The following MYT1L variants were observed in gnomAD, a reference collection of about 807,000 sequenced individuals.
MYT1L encodes myelin transcription factor 1 like.
In MYT1L, 12 loss-of-function variants were observed where a neutral mutation model predicts 126.7. That is an observed-to-expected ratio of 0.09 (90% confidence interval 0.06 to 0.15). The LOEUF (loss-of-function observed/expected upper bound fraction) is 0.15, where lower values mean the gene tolerates loss of function less well. MYT1L is among the 10% of genes least tolerant of loss of function. The probability of loss-of-function intolerance (pLI) is 1.00; values close to 1 mark genes in which losing one functional copy is unlikely to be tolerated. For synonymous variants in MYT1L, 541 were observed against 604.2 expected (o/e 0.90, Z 1.53); for missense variants, 979 against 1,585.2 (o/e 0.62, Z 6.49).
intron 9 of MYT1L, among the ~76,000 whole-genome samples, chr2:1,932,576 A>G (rs2055158138): frequency 6.6e-6 from 1 of 152,230 alleles, no homozygotes; most frequent in Non-Finnish European, 1.5e-5. Context: ...ATAGAGAGTA[A>G]TAAATACTGT....
At chr2:1,963,993 T>G (rs1320056132) in intron 8 of MYT1L, among the ~76,000 whole-genome samples, 1 of 152,216 alleles carries the variant, frequency 6.6e-6, no homozygotes, top group African/African-American at 2.4e-5. Flanking sequence ...TTTTGGCCAA[T>G]ATTGGCTTTT....
At position 2,262,939 on chromosome 2, in the gene MYT1L, G is replaced by GATATATATAT. The variant is rs60682131; in HGVS notation, c.-421+21455_-421+21464dup. Among the ~76,000 whole-genome samples the GATATATATAT allele has an allele frequency of 2.9e-3, 149 of 51,820 alleles. 7 individuals carry two copies. Among genetic ancestry groups the GATATATATAT allele is most frequent in the African/African-American group, 0.012 (142 of 11,590 alleles). The allele number at this position is 51,820 out of a possible 152,430, so 34.0% of individuals were successfully genotyped here. ...AAATATATATATATATATAACCTGTGATATATATATATATATCACAGGTAA... is the reference window on the plus strand; with the variant it reads ...AAATATATATATATATATAACCTGTGATATATATATATATATATATATATATCACAGGTAA... On this transcript the variant is annotated intron_variant, in intron 2 of 24. Coordinates refer to ENST00000647738, the MANE Select transcript of MYT1L (RefSeq NM_001303052.2).
intron 3 of MYT1L, among the ~76,000 whole-genome samples, chr2:2,106,927 G>C (rs2078830255): frequency 6.6e-6 from 1 of 152,184 alleles, no homozygotes; most frequent in Non-Finnish European, 1.5e-5. Context: ...GACTAGCTGT[G>C]GTGGGGGCAG....
chr2:2,144,088 C>G (rs554262537), intron 3 of MYT1L, among the ~76,000 whole-genome samples: 1 of 152,090 alleles, frequency 6.6e-6, no homozygotes, highest in African/African-American at 2.4e-5. Flanking sequence ...ACATGTACCC[C>G]CTAAAATCTA....
At chr2:2,093,203 A>C (rs1371151786) in intron 3 of MYT1L, among the ~76,000 whole-genome samples, 1 of 145,012 alleles carries the variant, frequency 6.9e-6, no homozygotes, top group East Asian at 2.1e-4. Context: ...GCCACTGAAG[A>C]TTTCTTTCCA....
At chr2:1,817,869 C>T (rs908041533) in intron 21 of MYT1L, among the ~76,000 whole-genome samples, 3 of 152,208 alleles carry the variant, frequency 2.0e-5, no homozygotes, top group East Asian at 1.9e-4. Flanking sequence ...GTTACAGAAA[C>T]GCTTCTCCAA....
chr2:2,150,579 A>C (rs1057445875), intron 3 of MYT1L, among the ~76,000 whole-genome samples: 5 of 152,170 alleles, frequency 3.3e-5, no homozygotes, highest in Admixed American at 3.3e-4. Flanking sequence ...TGACTAAATT[A>C]CAATTTTTTT....
intron 2 of MYT1L, among the ~76,000 whole-genome samples, chr2:2,267,480 G>A (rs1410770742): frequency 1.3e-5 from 2 of 152,138 alleles, no homozygotes; most frequent in East Asian, 1.9e-4. Context: ...CGGATGTGGC[G>A]ATACACCATA....
intron 2 of MYT1L, among the ~76,000 whole-genome samples, chr2:2,180,532 G>C (rs1170267794): frequency 6.6e-6 from 1 of 152,020 alleles, no homozygotes; most frequent in African/African-American, 2.4e-5. Flanking sequence ...GTGTACCTGT[G>C]TGTGCACCTG....
intron 3 of MYT1L, among the ~76,000 whole-genome samples, chr2:2,122,872 T>TGTGTGTGTGTGTGTGTGTGTGAGA (rs553951630): frequency 1.5e-5 from 2 of 133,070 alleles, no homozygotes; most frequent in Non-Finnish European, 1.6e-5. Flanking sequence ...TGTGTGTGTG[T>TGTGTGTGTGTGTGTGTGTGTGAGA]GAGAGAGAGA....
At chr2:1,824,133 T>A (rs73913419) in intron 21 of MYT1L, among the ~76,000 whole-genome samples, 3 of 152,228 alleles carry the variant, frequency 2.0e-5, no homozygotes, top group Admixed American at 6.5e-5. Context: ...ATTCTTGCTA[T>A]GGAACAAATT....
In MYT1L at chr2:2,059,399, C is replaced by A; in HGVS notation, c.-303-5276G>T. On this transcript the variant is annotated intron_variant, in intron 3 of 24. Coordinates refer to ENST00000647738, the MANE Select transcript of MYT1L (RefSeq NM_001303052.2). This position sits in a 1 kb window ranked among gnomAD's most constrained non-coding sequence, Gnocchi z 4.7. The stretch of plus-strand genomic sequence containing the variant: ...GTCTCGTGGCACCATAGTAAGCACC[C>A]GGCGGCGGTCTCACAGCACCGCAGG... Among the ~76,000 whole-genome samples, 1 of 152,154 alleles carries A rather than the reference C, an allele frequency of 6.6e-6. No homozygotes were observed. The highest frequency in any genetic ancestry group is 1.9e-4 in the East Asian group (1 of 5,180).
intron 10 of MYT1L, among the ~76,000 whole-genome samples, chr2:1,920,369 A>T (rs950520197): frequency 6.6e-6 from 1 of 152,228 alleles, no homozygotes; most frequent in Non-Finnish European, 1.5e-5. Flanking sequence ...TAAAGGGACC[A>T]AGAAACCAAA....
chr2:2,105,697 T>C (rs2078664582), intron 3 of MYT1L, among the ~76,000 whole-genome samples: 1 of 152,224 alleles, frequency 6.6e-6, no homozygotes, highest in African/African-American at 2.4e-5. Flanking sequence ...TATAAATTAC[T>C]GGTATGCATT....
At chr2:2,025,387 T>C (rs1210567708) in intron 4 of MYT1L, among the ~76,000 whole-genome samples, 2 of 152,218 alleles carry the variant, frequency 1.3e-5, no homozygotes, top group Non-Finnish European at 2.9e-5. Context: ...GGTCCTTGAA[T>C]GTGAGGGCTG....
chr2:2,058,673 G>A (rs1170522274), intron 3 of MYT1L, among the ~76,000 whole-genome samples: 1 of 152,184 alleles, frequency 6.6e-6, no homozygotes, highest in Non-Finnish European at 1.5e-5. Context: ...TTTTAAGTAA[G>A]TCTTTTTTCT....
At chr2:2,206,144 A>C (rs902644331) in intron 2 of MYT1L, among the ~76,000 whole-genome samples, 1 of 151,824 alleles carries the variant, frequency 6.6e-6, no homozygotes, top group Non-Finnish European at 1.5e-5. Flanking sequence ...CACCACGCCC[A>C]GCTAATTTTT....
In MYT1L at chr2:1,818,670, G is replaced by A. The variant is rs78918408; in HGVS notation, c.3081-9503C>T. On this transcript the variant is annotated intron_variant, in intron 21 of 24. Transcript: ENST00000647738. ...GCAGCTCTCCTGTGGTTCGCTTCCC[G>A]GACTCTGGCCCCAGCATATGTGAGG... 6.0e-4 allele frequency among the ~76,000 whole-genome samples: 92 copies of A among 152,156 alleles called. 2 individuals carry two copies. The East Asian group carries it at 0.014, about 22-fold the overall frequency.
chr2:2,144,411 T>C (rs934353115), intron 3 of MYT1L, among the ~76,000 whole-genome samples: 1 of 152,204 alleles, frequency 6.6e-6, no homozygotes, highest in Non-Finnish European at 1.5e-5. Flanking sequence ...TTCCTCCATA[T>C]TGTGTGCTGG....
Sources: allele counts gnomAD v4.1 joint callset (sites outside exome capture counted in the v4.1 genomes callset), GRCh38; gene constraint gnomAD v4.1.1; non-coding constraint Gnocchi (gnomAD v3.1); transcripts MANE v1.5; gene names NCBI Gene and HGNC (gene_info 2026-07-23, HGNC 2026-07-21).